Variants in CSMD1 observed in about 807,000 individuals in gnomAD.
CSMD1 encodes the protein CUB and Sushi multiple domains 1.
A neutral mutation model predicts 417.5 loss-of-function variants in CSMD1; 213 were observed. The ratio of observed to expected loss-of-function variants is 0.51; its 90% CI spans 0.46 to 0.57. The LOEUF (loss-of-function observed/expected upper bound fraction) is 0.57, where lower values mean the gene tolerates loss of function less well. CSMD1 is among the 20% of genes least tolerant of loss of function. The pLI, the probability that CSMD1 is intolerant of heterozygous loss-of-function variation, is 0.00. For missense variants in CSMD1, 6,923 were observed against 4,529.7 expected, an observed-to-expected ratio of 1.53 and a Z score of -15.17; for synonymous variants, 2,862 against 1,736.8, an observed-to-expected ratio of 1.65 and a Z score of -16.11.
chr8:4,682,340 C>T (rs941128564), intron 1 of CSMD1, among the ~76,000 whole-genome samples: 4 of 152,022 alleles, frequency 2.6e-5, no homozygotes, highest in East Asian at 3.9e-4. Flanking sequence ...CTGAAAAATG[C>T]TTTTTTTGAT....
intron 2 of CSMD1, among the ~76,000 whole-genome samples, chr8:4,553,418 G>C (rs923598130): frequency 1.3e-5 from 2 of 151,134 alleles, no homozygotes; most frequent in African/African-American, 2.4e-5. Context: ...CTCCTGACAG[G>C]CATTTATAAA....
intron 1 of CSMD1, among the ~76,000 whole-genome samples, chr8:4,796,301 A>G (rs905649899): frequency 1.3e-5 from 2 of 152,010 alleles, no homozygotes; most frequent in Non-Finnish European, 2.9e-5. Context: ...AAGGCATTCC[A>G]TGGAGATGAG....
intron 3 of CSMD1, among the ~76,000 whole-genome samples, chr8:4,278,557 C>T (rs1055096759): frequency 1.3e-5 from 2 of 152,108 alleles, no homozygotes; most frequent in African/African-American, 2.4e-5. Flanking sequence ...AAACATATAA[C>T]AAAACGTTAG....
At chr8:3,852,642 A>T (rs1476748301) in intron 5 of CSMD1, among the ~76,000 whole-genome samples, 4 of 150,946 alleles carry the variant, frequency 2.6e-5, no homozygotes, top group African/African-American at 9.8e-5. Flanking sequence ...CAAAGTGACC[A>T]AGGGGAAACT....
chr8:2,995,026 T>C (rs1489146902), intron 54 of CSMD1, among the ~76,000 whole-genome samples: 1 of 152,134 alleles, frequency 6.6e-6, no homozygotes, highest in Non-Finnish European at 1.5e-5. Flanking sequence ...TTGACATCAA[T>C]ACCATGACCC....
intron 6 of CSMD1, among the ~76,000 whole-genome samples, chr8:3,724,050 C>A (rs565026606): frequency 1.7e-5 from 1 of 59,738 alleles, no homozygotes; most frequent in African/African-American, 3.3e-5. Context: ...TCTGTGTAAA[C>A]ACAGATTTTG....
At chr8:4,751,329 G>C (rs927922912) in intron 1 of CSMD1, among the ~76,000 whole-genome samples, 3 of 152,024 alleles carry the variant, frequency 2.0e-5, no homozygotes, top group East Asian at 3.9e-4. Flanking sequence ...AGGTTGCAGT[G>C]AGAGTGAGCC....
At chr8:4,359,210 A>G (rs1416505181) in intron 3 of CSMD1, among the ~76,000 whole-genome samples, 2 of 152,188 alleles carry the variant, frequency 1.3e-5, no homozygotes, top group African/African-American at 4.8e-5. Context: ...CATGAGTTGC[A>G]TTATCTGTAG....
At chr8:3,332,010 T>C (rs1052760061) in intron 23 of CSMD1, among the ~76,000 whole-genome samples, 2 of 152,152 alleles carry the variant, frequency 1.3e-5, no homozygotes, top group Non-Finnish European at 2.9e-5. Context: ...AGTAGATACA[T>C]ATGTAATAGA....
chr8:4,661,959 G>C (rs1045788270), intron 1 of CSMD1, among the ~76,000 whole-genome samples: 1 of 152,092 alleles, frequency 6.6e-6, no homozygotes, highest in Non-Finnish European at 1.5e-5. Context: ...CATAGTTACA[G>C]AGTTATTACA....
At chr8:3,395,770 T>C (rs1268045930) in intron 17 of CSMD1, among the ~76,000 whole-genome samples, 1 of 152,186 alleles carries the variant, frequency 6.6e-6, no homozygotes, top group Non-Finnish European at 1.5e-5. Context: ...TATACTCAGA[T>C]TCGGTACCAC....
intron 15 of CSMD1, among the ~76,000 whole-genome samples, chr8:3,405,447 A>C (rs1272873790): frequency 6.6e-6 from 1 of 152,218 alleles, no homozygotes; most frequent in Non-Finnish European, 1.5e-5. Flanking sequence ...CGGCTGTAAC[A>C]AGAACAACAA....
intron 12 of CSMD1, among the ~76,000 whole-genome samples, chr8:3,410,576 T>C (rs12546510): frequency 0.097 from 14,711 of 152,222 alleles, 888 homozygotes; most frequent in East Asian, 0.26. Flanking sequence ...ACGTGACTTG[T>C]TCCACCTTGC....
chr8:4,890,340 G>A (rs953875303), intron 1 of CSMD1, among the ~76,000 whole-genome samples: 1 of 152,128 alleles, frequency 6.6e-6, no homozygotes, highest in Admixed American at 6.5e-5. Flanking sequence ...CTATGGATTA[G>A]AGTAGGAAGG....
intron 2 of CSMD1, among the ~76,000 whole-genome samples, chr8:4,506,977 A>G (rs550454160): frequency 6.6e-6 from 1 of 152,332 alleles, no homozygotes; most frequent in African/African-American, 2.4e-5. Context: ...TCATAAACAA[A>G]ATTGAATCGG....
chr8:4,254,246 T>C (rs1203967988), intron 3 of CSMD1, among the ~76,000 whole-genome samples: 4 of 152,016 alleles, frequency 2.6e-5, no homozygotes, highest in African/African-American at 9.7e-5. Flanking sequence ...TTCCCTCTCT[T>C]CACCAAATAA....
Position 4,111,564 on chromosome 8 carries a change from A to C in CSMD1, c.416-79465T>G, listed in dbSNP as rs1229218318. Among the ~76,000 whole-genome samples the C allele has an allele frequency of 2.6e-5, 4 of 152,228 alleles. No individual in the cohort carries two copies. In the East Asian group the frequency reaches 7.7e-4, roughly 29 times the overall value. On this transcript the variant is annotated intron_variant, in intron 3 of 69. Coordinates refer to ENST00000635120, the MANE Select transcript of CSMD1 (RefSeq NM_033225.6). ...ACTGGATAAAGAAAATGCAGTTCAC[A>C]TACACCATGGAATACTATGCAAACA...
chr8:3,202,577 C>A (rs558344359), intron 31 of CSMD1, among the ~76,000 whole-genome samples: 1 of 152,298 alleles, frequency 6.6e-6, no homozygotes, highest in East Asian at 1.9e-4. Context: ...TATATACTTA[C>A]AAGCAATGAA....
chr8:3,831,773 T>G (rs1416978633), intron 5 of CSMD1, among the ~76,000 whole-genome samples: 2 of 152,156 alleles, frequency 1.3e-5, no homozygotes, highest in Non-Finnish European at 2.9e-5. Context: ...ACATAGCCAT[T>G]TGGGATATTT....
Sources: gnomAD v4.1 joint callset for allele counts (sites outside exome capture counted in the v4.1 genomes callset) on GRCh38, gnomAD v4.1.1 for gene constraint, MANE v1.5 for transcripts, NCBI Gene and HGNC (gene_info 2026-07-23, HGNC 2026-07-21) for gene names.